Variants in DNAH5 observed in about 807,000 individuals in gnomAD.
DNAH5 encodes axonemal beta dynein heavy chain 5.
In DNAH5, 372 loss-of-function variants were observed where a neutral mutation model predicts 518.2. The ratio of observed to expected loss-of-function variants is 0.72; its 90% CI spans 0.66 to 0.78. The LOEUF is 0.78. DNAH5 is among the 30% of genes least tolerant of loss of function. The pLI is 0.00. For synonymous variants in DNAH5, 2,039 were observed against 2,025.9 expected (o/e 1.01, Z -0.17); for missense variants, 5,523 against 5,687.0 (o/e 0.97, Z 0.93).
At position 13,812,015 on chromosome 5, in the gene DNAH5, A is replaced by C. The variant is rs369928386; in HGVS notation, c.7231-192T>G. 1.1e-3 allele frequency among the ~76,000 whole-genome samples: 173 copies of C among 152,300 alleles called. 1 individual carries two copies. Among genetic ancestry groups the C allele is most frequent in the African/African-American group, 4.0e-3 (168 of 41,564 alleles). On this transcript the variant is annotated intron_variant, in intron 43 of 78. Coordinates refer to ENST00000265104, the MANE Select transcript of DNAH5 (RefSeq NM_001369.3). ...ACTTAATCTTCAAAACAACCCTACA[A>C]GGTAAGAACTGTTATTATCCTCCTT...
chr5:13,864,697 A>G, intron 27 of DNAH5, 60 bp from the exon 28 acceptor site: 1 of 1,580,982 alleles, frequency 6.3e-7, no homozygotes, highest in African/African-American at 1.3e-5. Context: ...TCACTGGACC[A>G]AGACGGTCTG....
At chr5:13,882,381 A>C (rs765138844) in intron 21 of DNAH5, among the ~76,000 whole-genome samples, 2 of 152,102 alleles carry the variant, frequency 1.3e-5, no homozygotes, top group African/African-American at 2.4e-5. Context: ...CTACAGGCCA[A>C]TATCACTGGT....
chr5:13,984,996 C>A (rs1277968414), intron 1 of DNAH5, among the ~76,000 whole-genome samples: 2 of 152,086 alleles, frequency 1.3e-5, no homozygotes, highest in Non-Finnish European at 2.9e-5. Context: ...TATTGCGGCA[C>A]TACTCACAAT....
rs2126690194 is a variant in DNAH5, at chr5:13,751,260, C to A, written c.11029G>T (p.Val3677Leu). The change falls in exon 65 of 79, where the codon GTG (valine) becomes TTG (leucine). Residue 3677 changes from valine (V) to leucine (L), a missense_variant and splice_region_variant. Val to Leu is a conservative substitution (Grantham distance 32, BLOSUM62 1). Transcript: ENST00000265104. ...TCTACTTCCTTGTCACCAACTTTCA[C>A]CTTTTTTATAAAAAGAAATTTAAAA... ...NFIKTGSTFK[V>L]KVGDKEVDVL... The A allele has an allele frequency of 6.2e-7, 1 of 1,612,144 alleles. No homozygotes were observed. The highest frequency in any genetic ancestry group is 8.5e-7 in the Non-Finnish European group (1 of 1,179,334).
chr5:13,693,963 A>C (rs959075308), intron 78 of DNAH5, among the ~76,000 whole-genome samples: 1 of 152,214 alleles, frequency 6.6e-6, no homozygotes. Context: ...ATGACAATGA[A>C]TCATGCAATA....
chr5:13,767,262 C>T (rs1337973682), intron 58 of DNAH5, among the ~76,000 whole-genome samples: 1 of 152,104 alleles, frequency 6.6e-6, no homozygotes, highest in Admixed American at 6.6e-5. Context: ...ATAGCTGGGA[C>T]TACAGGCACA....
Position 13,830,130 on chromosome 5 carries a change from T to C in DNAH5, c.6145A>G (p.Ile2049Val). 6.2e-7 allele frequency: 1 copy of C among 1,613,992 alleles called. No individual in the cohort carries two copies. The highest frequency in any genetic ancestry group is 8.5e-7 in the Non-Finnish European group (1 of 1,179,940). The change falls in exon 37 of 79, where the codon ATT becomes GTT. Residue 2049 changes from isoleucine to valine, a missense_variant. Around this residue, in one of 3 missense-constraint regions of DNAH5, gnomAD observed 5,121 missense variants for 5,223.3 expected, o/e 0.98. Transcript: ENST00000265104. ...TTTTTACATGTCAGAATAATGGAAA[T>C]TTGCTGGGCTGCAACCGAGAGAACT... is the stretch of plus-strand genomic sequence containing the variant. Reference protein sequence around the residue: ...LPVLSVAAQQISIILTCKKEH... With the variant: ...LPVLSVAAQQVSIILTCKKEH...
At chr5:13,754,390 C>T (rs760736172) in intron 61 of DNAH5, 52 bp from the exon 62 acceptor site, 2 of 1,606,470 alleles carry the variant, frequency 1.2e-6, no homozygotes, top group Non-Finnish European at 8.5e-7. Context: ...AACATAGCCA[C>T]TGGCTCAAAA....
rs796548319 is a variant in DNAH5 at position 13,758,106 on chromosome 5, TA to T, written c.10419+739del. 2.4e-3 allele frequency among the ~76,000 whole-genome samples: 346 copies of T among 141,954 alleles called. 1 individual carries two copies. The highest frequency in any genetic ancestry group is 3.2e-3 in the African/African-American group (125 of 38,954). 93.1% of individuals were successfully genotyped at this position (141,954 alleles called of 152,430 possible). Reference sequence around the variant, plus strand: ...AAAAAAAATCAGTATGTATTTAAAGTAAAAAAAAAAAAGTGACAAGATCCTG... The same window carrying T: ...AAAAAAAATCAGTATGTATTTAAAGTAAAAAAAAAAAGTGACAAGATCCTG... On this transcript the variant is annotated intron_variant, in intron 61 of 78. Transcript: ENST00000265104.
intron 78 of DNAH5, among the ~76,000 whole-genome samples, chr5:13,698,708 C>A (rs541216000): frequency 1.8e-4 from 28 of 152,156 alleles, no homozygotes; most frequent in East Asian, 7.7e-4. Flanking sequence ...AAGTACCCCC[C>A]AAAAATTGAA....
chr5:13,792,060 T>C lies in DNAH5; in HGVS notation c.8382A>G (p.Leu2794=), dbSNP rs371252551. ...TPAKFHYVFN[L]RDLSRVWQGM... is the part of the protein sequence containing the mutation. Reference sequence around the variant, plus strand: ...CCTGCCAGACCCGAGAAAGATCTCGTAGGTTAAACACATAATGGAATTTTG... The same window carrying C: ...CCTGCCAGACCCGAGAAAGATCTCGCAGGTTAAACACATAATGGAATTTTG... The change falls in exon 50 of 79, where the codon CTA becomes CTG. Residue 2794 remains leucine, a synonymous_variant. Transcript: ENST00000265104. 112 of 1,613,992 alleles carry C rather than the reference T, an allele frequency of 6.9e-5. No homozygotes were observed. The highest frequency in any genetic ancestry group is 9.4e-5 in the Non-Finnish European group (111 of 1,179,998).
rs144955554 is a variant in DNAH5, at chr5:13,926,458, C to T, written c.277+1636G>A. Among the ~76,000 whole-genome samples the T allele has an allele frequency of 1.1e-3, 168 of 152,218 alleles. 1 individual carries two copies. Among genetic ancestry groups the T allele is most frequent in the African/African-American group, 3.8e-3 (156 of 41,546 alleles). On this transcript the variant is annotated intron_variant, in intron 3 of 78. Transcript: ENST00000265104. ...GCTGATGTGGACAAGGGGTAGAAGA[C>T]GAAGGTAGGGAGAAAAGCACATGGT...
chr5:13,717,324 A>G lies in DNAH5; in HGVS notation c.12696T>C (p.Asp4232=). 6.2e-7 allele frequency: 1 copy of G among 1,613,744 alleles called. No individual in the cohort carries two copies. The change falls in exon 73 of 79, where the codon GAT becomes GAC. Residue 4232 remains aspartate (D), a synonymous_variant. Coordinates refer to ENST00000265104, the MANE Select transcript of DNAH5 (RefSeq NM_001369.3). ...GCATGCGCGGCAGTACCTTTTTGAC[A>G]TCCATGTCATCCAAGTGGTTTTGGA... ...QFIQNHLDDM[D]VKKGVSWTTI...
chr5:13,918,992 T>G (rs1193017215), intron 7 of DNAH5, among the ~76,000 whole-genome samples, 184 bp downstream of exon 7: 1 of 152,198 alleles, frequency 6.6e-6, no homozygotes. Context: ...AGCTAACAAT[T>G]GCCTTTCATT....
chr5:13,776,815 A>C, intron 54 of DNAH5, 109 bp from the exon 55 acceptor site: 1 of 1,239,102 alleles, frequency 8.1e-7, no homozygotes, highest in East Asian at 2.4e-5. Flanking sequence ...TCTTGAACTC[A>C]CCTACAGAAA....
In DNAH5 at chr5:13,915,611, A is replaced by G. The variant is rs1313988237; in HGVS notation, c.1197+737T>C. The stretch of plus-strand genomic sequence containing the variant: ...ACATGACAGAAGGAAAACGTTTCCT[A>G]TTGAGCTCTTAAGGCTGGATGTCTT... On this transcript the variant is annotated intron_variant, in intron 9 of 78. Transcript: ENST00000265104. Among the ~76,000 whole-genome samples, 4 of 152,208 alleles carry G rather than the reference A, an allele frequency of 2.6e-5. No individual in the cohort carries two copies. The East Asian group carries it at 7.7e-4, about 29-fold the overall frequency.
chr5:13,918,822 T>G (rs1379234229), intron 7 of DNAH5, among the ~76,000 whole-genome samples: 1 of 152,308 alleles, frequency 6.6e-6, no homozygotes, highest in East Asian at 1.9e-4. Context: ...ATAAAACTAA[T>G]ATACAAGGAC....
chr5:13,845,252 A>G (rs1354995249), intron 31 of DNAH5, among the ~76,000 whole-genome samples: 1 of 152,072 alleles, frequency 6.6e-6, no homozygotes, highest in African/African-American at 2.4e-5. Flanking sequence ...TAATGTACAC[A>G]TTTTGCACAG....
chr5:13,721,917 T>C (rs1745106746), intron 70 of DNAH5, among the ~76,000 whole-genome samples: 1 of 152,234 alleles, frequency 6.6e-6, no homozygotes, highest in Non-Finnish European at 1.5e-5. Context: ...AGAGTTATAA[T>C]TTATTTTTCA....
Sources: allele counts gnomAD v4.1 joint callset (sites outside exome capture counted in the v4.1 genomes callset), GRCh38; gene constraint gnomAD v4.1.1; regional missense constraint gnomAD v4.1.1; transcripts MANE v1.5; gene names NCBI Gene and HGNC (gene_info 2026-07-23, HGNC 2026-07-21).